Variants in SF3A1 observed in about 807,000 individuals in gnomAD.
SF3A1 encodes the protein SAP 114.
Under a neutral mutation model 89.9 loss-of-function variants are expected in SF3A1, and 13 were observed. The observed-to-expected ratio is 0.14, with a 90% CI of 0.09 to 0.23. The LOEUF (loss-of-function observed/expected upper bound fraction) is 0.23, where lower values mean the gene tolerates loss of function less well. Ranked by LOEUF, SF3A1 falls within the 10% of genes least tolerant of loss-of-function variation. The pLI, the probability that SF3A1 is intolerant of heterozygous loss-of-function variation, is 1.00. For synonymous variants in SF3A1, 405 were observed against 374.4 expected, an observed-to-expected ratio of 1.08 and a Z score of -0.94; for missense variants, 604 against 1,022.1, an observed-to-expected ratio of 0.59 and a Z score of 5.58.
rs76936529 is a variant in SF3A1, at chr22:30,334,552, G to C, written c.*42C>G. 2 of 1,348,680 alleles carry C rather than the reference G, an allele frequency of 1.5e-6. No homozygotes were observed. The highest frequency in any genetic ancestry group is 2.0e-6 in the Non-Finnish European group (2 of 982,218). 83.5% of individuals were successfully genotyped at this position (1,348,680 alleles called of 1,614,324 possible). Reference sequence around the variant, plus strand: ...GTCTGGGGCAGGGGGTGGGAGACAGGAGAGGCAAAATGGCAGGGACTTGAC... The same window carrying C: ...GTCTGGGGCAGGGGGTGGGAGACAGCAGAGGCAAAATGGCAGGGACTTGAC... On this transcript the variant is annotated 3_prime_UTR_variant, in exon 16 of 16. Transcript: ENST00000215793.
rs768866067 is a variant in SF3A1, at chr22:30,345,086, C to A, written c.498G>T (p.Val166=). Residue 166 remains valine (V), a synonymous_variant, in exon 4 of 16, where the codon GTG becomes GTT. Transcript: ENST00000215793. The part of the protein sequence containing the change: ...PPSISAFDLD[V]VKLTAQFVAR... ...CCACAAACTGAGCCGTCAGCTTCACCACATCCAAGTCGAAGGCTGAGATAG... is the reference window on the plus strand; with the variant it reads ...CCACAAACTGAGCCGTCAGCTTCACAACATCCAAGTCGAAGGCTGAGATAG... 39 of 1,614,222 alleles carry A rather than the reference C, an allele frequency of 2.4e-5. No individual in the cohort carries two copies. Among genetic ancestry groups the A allele is most frequent in the Non-Finnish European group, 3.1e-5 (36 of 1,180,036 alleles).
chr22:30,344,780 A>G (rs1931367896), intron 4 of SF3A1, 153 bp downstream of exon 4: 3 of 867,264 alleles, frequency 3.5e-6, no homozygotes, highest in Middle Eastern at 7.3e-4. Flanking sequence ...AATAGAAATC[A>G]AGGTTTTACA....
intron 4 of SF3A1, among the ~76,000 whole-genome samples, chr22:30,344,714 G>GT (rs1349356231): frequency 1.3e-5 from 2 of 152,256 alleles, no homozygotes; most frequent in Admixed American, 1.3e-4. Context: ...TAGCAAGCAT[G>GT]TATTTCCCTT....
In SF3A1 at chr22:30,335,523, C is replaced by T. The variant is rs1014101548; in HGVS notation, c.2224G>A (p.Val742Met). 5 of 1,614,092 alleles carry T rather than the reference C, an allele frequency of 3.1e-6. No individual in the cohort carries two copies. The highest frequency in any genetic ancestry group is 4.2e-6 in the Non-Finnish European group (5 of 1,180,046). ...ATGCCTGTGGCTTCATGAATCTTCACCTTAATGACAGAGACCTGTGGGATC... is the reference window on the plus strand; with the variant it reads ...ATGCCTGTGGCTTCATGAATCTTCATCTTAATGACAGAGACCTGTGGGATC... ...PLTDQVSVIK[V>M]KIHEATGMPA... The change falls in exon 15 of 16, where the codon GTG (valine) becomes ATG (methionine). Residue 742 changes from valine to methionine, a missense_variant. Physicochemically the swap from Val to Met is conservative, Grantham distance 21. This residue lies in a region of SF3A1 where 74 missense variants were observed against 141.3 expected (regional missense o/e 0.52). Transcript: ENST00000215793.
At chr22:30,336,962 G>T (rs112057447) in intron 13 of SF3A1, 64 bp downstream of exon 13, 1 of 1,597,006 alleles carries the variant, frequency 6.3e-7, no homozygotes, top group Non-Finnish European at 8.6e-7. Context: ...TTTCGCAAGT[G>T]TACGACAGGG....
chr22:30,336,053 C>G (rs915105368), intron 13 of SF3A1, among the ~76,000 whole-genome samples: 1 of 152,186 alleles, frequency 6.6e-6, no homozygotes, highest in Non-Finnish European at 1.5e-5. Flanking sequence ...CCTGCAGGGT[C>G]GGAAGACCTG....
rs1390489963 is a variant in SF3A1 at position 30,332,933 on chromosome 22, G to C, written c.*1661C>G. 3 of 152,400 alleles carry C rather than the reference G, an allele frequency of 2.0e-5. No homozygotes were observed. Among genetic ancestry groups the C allele is most frequent in the East Asian group, 1.9e-4 (1 of 5,190 alleles). 9.4% of individuals were successfully genotyped at this position (152,400 alleles called of 1,614,324 possible). On this transcript the variant is annotated 3_prime_UTR_variant, in exon 16 of 16. Coordinates refer to ENST00000215793, the MANE Select transcript of SF3A1 (RefSeq NM_005877.6). ...GCCCACTGCTCCCAGAAAGAAAGAA[G>C]AACTTGGAATATGAGACTCCCCAGG...
At chr22:30,345,222 C>T in intron 3 of SF3A1, 32 bp from the exon 4 acceptor site, 1 of 1,597,910 alleles carries the variant, frequency 6.3e-7, no homozygotes, top group East Asian at 2.2e-5. Context: ...AGGCGAGAGG[C>T]ACAGGGGTGA....
At position 30,346,312 on chromosome 22, in the gene SF3A1, C is replaced by A; in HGVS notation, c.393G>T (p.Lys131Asn). 1 of 1,607,010 alleles carries A rather than the reference C, an allele frequency of 6.2e-7. No individual in the cohort carries two copies. Among genetic ancestry groups the A allele is most frequent in the South Asian group, 1.1e-5 (1 of 90,950 alleles). ...GTGAAGGGGGCACTGGGCTCCAAAC[C>A]TTCTGGGGCAGCTGCTGCTGGGTGG... ...QQTTQQQLPQ[K>N]VQAQVIQETI... Residue 131 changes from lysine to asparagine, a missense_variant and splice_region_variant, in exon 3 of 16, where the codon AAG (lysine) becomes AAT (asparagine). Physicochemically the swap from Lys to Asn is moderately conservative, Grantham distance 94. Transcript: ENST00000215793.
At chr22:30,337,389 G>T (rs887749980) in intron 12 of SF3A1, among the ~76,000 whole-genome samples, 41 of 152,194 alleles carry the variant, frequency 2.7e-4, no homozygotes, top group Non-Finnish European at 2.4e-4. Flanking sequence ...TGCAGGAGGG[G>T]CAGGACTGAT....
chr22:30,341,985 C>T (rs1931274060), intron 6 of SF3A1, 100 bp from the exon 7 acceptor site: 1 of 1,275,676 alleles, frequency 7.8e-7, no homozygotes, highest in Non-Finnish European at 1.1e-6. Flanking sequence ...GTTTTCTCTC[C>T]AGCTATCTCC....
In SF3A1 at chr22:30,341,032, G is replaced by A. The variant is rs554281388; in HGVS notation, c.1072-220C>T. On this transcript the variant is annotated intron_variant, in intron 7 of 15. Coordinates refer to ENST00000215793, the MANE Select transcript of SF3A1 (RefSeq NM_005877.6). The stretch of plus-strand genomic sequence containing the variant: ...GGCCACGGTCCTAGCACTCCTCCCA[G>A]GCATTTCCAGCAGCTGGCACCAGGC... 6.1e-4 allele frequency among the ~76,000 whole-genome samples: 92 copies of A among 151,814 alleles called. No homozygotes were observed. In the East Asian group the frequency reaches 0.014, roughly 24 times the overall value.
chr22:30,353,022 T>G lies in SF3A1; in HGVS notation c.114A>C (p.Pro38=). 1 of 1,614,170 alleles carries G rather than the reference T, an allele frequency of 6.2e-7. No homozygotes were observed. Among genetic ancestry groups the G allele is most frequent in the Non-Finnish European group, 8.5e-7 (1 of 1,180,016 alleles). ...SSKEDSAPSK[P]VVGIIYPPPE... ...GAGGAGGGTAAATAATCCCCACAAC[T>G]GGCTTAGAAGGTGCAGAATCCTCCT... Residue 38 remains proline (P), a synonymous_variant, in exon 2 of 16, where the codon CCA becomes CCC. Transcript: ENST00000215793.
chr22:30,337,757 C>A lies in SF3A1; in HGVS notation c.1884G>T (p.Val628=). 6.3e-7 allele frequency: 1 copy of A among 1,583,118 alleles called. No individual in the cohort carries two copies. ...PPIIHAPRIN[V]VPMPPSAPPI... is the part of the protein sequence containing the mutation. ...GAGGGGCCGAGGGAGGCATGGGCAC[C>A]ACGTTGATTCTGGGCGCGTGGATGA... The change falls in exon 12 of 16, where the codon GTG becomes GTT. Residue 628 remains valine, a synonymous_variant. Coordinates refer to ENST00000215793, the MANE Select transcript of SF3A1 (RefSeq NM_005877.6).
Position 30,356,851 on chromosome 22 carries a change from G to A in SF3A1, c.-59C>T. The A allele has an allele frequency of 1.7e-5, 22 of 1,263,888 alleles. No homozygotes were observed. Among genetic ancestry groups the A allele is most frequent in the Non-Finnish European group, 2.2e-5 (22 of 992,980 alleles). 78.3% of individuals were successfully genotyped at this position (1,263,888 alleles called of 1,614,324 possible). A position where few individuals can be genotyped will look rare whatever the true frequency, so the allele number is the denominator to read the frequency against. Reference sequence around the variant, plus strand: ...GTGTCGGTGAGCGGTGCCGCCTCAAGACAGCCTCCCCGCTCGGTCAGTACG... The same window carrying A: ...GTGTCGGTGAGCGGTGCCGCCTCAAAACAGCCTCCCCGCTCGGTCAGTACG... On this transcript the variant is annotated 5_prime_UTR_variant, in exon 1 of 16. Coordinates refer to ENST00000215793, the MANE Select transcript of SF3A1 (RefSeq NM_005877.6).
At chr22:30,347,781 T>C (rs1011624676) in intron 2 of SF3A1, among the ~76,000 whole-genome samples, 1 of 152,208 alleles carries the variant, frequency 6.6e-6, no homozygotes, top group Non-Finnish European at 1.5e-5. Flanking sequence ...CATTTCCCCA[T>C]GTGTAAAATG....
intron 2 of SF3A1, among the ~76,000 whole-genome samples, chr22:30,349,014 A>C (rs1931504122): frequency 6.6e-6 from 1 of 152,262 alleles, no homozygotes; most frequent in Admixed American, 6.5e-5. Flanking sequence ...AGATTTCAAC[A>C]GAAAAAGACA....
chr22:30,349,686 G>T (rs1160697569), intron 2 of SF3A1, among the ~76,000 whole-genome samples: 5 of 142,196 alleles, frequency 3.5e-5, no homozygotes, highest in Middle Eastern at 6.6e-3. Context: ...TTTTTTTTGA[G>T]ATAGGGTCTT....
chr22:30,341,663 T>C, intron 7 of SF3A1, 29 bp downstream of exon 7: 1 of 1,596,804 alleles, frequency 6.3e-7, no homozygotes, highest in Non-Finnish European at 8.6e-7. Flanking sequence ...GGGGAAAAGG[T>C]CATCCTGCAG....
Sources: allele counts gnomAD v4.1 joint callset (sites outside exome capture counted in the v4.1 genomes callset), GRCh38; gene constraint gnomAD v4.1.1; regional missense constraint gnomAD v4.1.1; transcripts MANE v1.5; gene names NCBI Gene and HGNC (gene_info 2026-07-23, HGNC 2026-07-21).